Variants in TDRP observed in about 807,000 individuals in gnomAD.
TDRP encodes testis development-related protein.
A neutral mutation model predicts 10.5 loss-of-function variants in TDRP; 12 were observed. The ratio of observed to expected loss-of-function variants is 1.15; its 90% CI spans 0.73 to 1.86. The LOEUF is 1.86. Among genes scored for constraint, TDRP ranks in the 40% most tolerant of loss-of-function variants. The pLI is 0.00. For synonymous variants in TDRP, 139 were observed against 95.4 expected (o/e 1.46, Z -2.67); for missense variants, 353 against 229.2 (o/e 1.54, Z -3.49).
intron 2 of TDRP, among the ~76,000 whole-genome samples, chr8:493,947 G>C (rs1801054059): frequency 6.8e-6 from 1 of 146,358 alleles, no homozygotes. Context: ...TTTATCCAAA[G>C]TACAGTTTCT....
intron 1 of TDRP, among the ~76,000 whole-genome samples, chr8:526,525 G>A (rs551490981): frequency 6.6e-6 from 1 of 152,086 alleles, no homozygotes; most frequent in Non-Finnish European, 1.5e-5. Context: ...TGGTTGATTT[G>A]CATATACTGA....
chr8:491,656 C>T lies in TDRP; in HGVS notation c.*743G>A. On this transcript the variant is annotated 3_prime_UTR_variant, in exon 3 of 3. Transcript: ENST00000324079. ...AAATTATCAACTGACTAAAATTGAT[C>T]CATACTTCTTTAATCTGTAAACAAA... 1 of 1,527,496 alleles carries T rather than the reference C, an allele frequency of 6.5e-7. No homozygotes were observed. Among genetic ancestry groups the T allele is most frequent in the Non-Finnish European group, 8.7e-7 (1 of 1,143,948 alleles). The allele number at this position is 1,527,496 out of a possible 1,614,324, so 94.6% of individuals were successfully genotyped here. A position where few individuals can be genotyped will look rare whatever the true frequency, so the allele number is the denominator to read the frequency against.
rs543320438 is a variant in TDRP at position 514,328 on chromosome 8, G to A, written c.109-19731C>T. The stretch of plus-strand genomic sequence containing the variant: ...ACATATAAGGTCAATTGATTTTCAA[G>A]AAGAGTGCCAAGACAATTCAATGGG... On this transcript the variant is annotated intron_variant, in intron 1 of 2. Coordinates refer to ENST00000324079, the MANE Select transcript of TDRP (RefSeq NM_001384899.1). 2.6e-5 allele frequency among the ~76,000 whole-genome samples: 4 copies of A among 152,306 alleles called. No individual in the cohort carries two copies. The South Asian group carries it at 8.3e-4, about 32-fold the overall frequency.
At chr8:524,808 G>C (rs149175791) in intron 1 of TDRP, among the ~76,000 whole-genome samples, 63 of 152,278 alleles carry the variant, frequency 4.1e-4, no homozygotes, top group African/African-American at 1.5e-3. Context: ...TTGCTTACAG[G>C]ATCTAGAAAA....
intron 1 of TDRP, among the ~76,000 whole-genome samples, chr8:509,610 G>C (rs1457711032): frequency 6.6e-6 from 1 of 152,078 alleles, no homozygotes; most frequent in African/African-American, 2.4e-5. Context: ...CCTGGATCTG[G>C]CTCATCTGAC....
chr8:539,026 TAGAA>T (rs1802420859), intron 1 of TDRP, among the ~76,000 whole-genome samples: 1 of 152,138 alleles, frequency 6.6e-6, no homozygotes, highest in African/African-American at 2.4e-5. Context: ...AGGCCTATAA[TAGAA>T]AGAGACTAGA....
intron 1 of TDRP, among the ~76,000 whole-genome samples, chr8:504,645 G>T (rs941202758): frequency 4.0e-5 from 6 of 149,374 alleles, no homozygotes; most frequent in Non-Finnish European, 7.4e-5. Flanking sequence ...CAGCACTCCA[G>T]CCCTGTTTGG....
At chr8:503,738 C>A (rs1270259868) in intron 1 of TDRP, among the ~76,000 whole-genome samples, 6 of 144,436 alleles carry the variant, frequency 4.2e-5, no homozygotes, top group Admixed American at 2.8e-4. Context: ...CATCAGAACC[C>A]GTGCCCACCT....
At chr8:542,667 C>T (rs1458883319) in intron 1 of TDRP, among the ~76,000 whole-genome samples, 1 of 151,776 alleles carries the variant, frequency 6.6e-6, no homozygotes, top group Non-Finnish European at 1.5e-5. Flanking sequence ...GAGTTCGAGA[C>T]CAGCCTGACC....
intron 1 of TDRP, among the ~76,000 whole-genome samples, chr8:523,273 G>A (rs558912925): frequency 1.3e-5 from 2 of 152,202 alleles, no homozygotes; most frequent in East Asian, 1.9e-4. Context: ...GCATATAAAT[G>A]TATTACTTTA....
chr8:543,608 C>G (rs1802557802), intron 1 of TDRP, among the ~76,000 whole-genome samples: 2 of 150,342 alleles, frequency 1.3e-5, no homozygotes, highest in Admixed American at 6.6e-5. Flanking sequence ...ATTTCTCAGA[C>G]AAGTTCAGAT....
chr8:499,014 TA>T (rs1801213193), intron 1 of TDRP, among the ~76,000 whole-genome samples: 1 of 152,198 alleles, frequency 6.6e-6, no homozygotes, highest in South Asian at 2.1e-4. Flanking sequence ...CTTTTCTTTA[TA>T]AATTACCCAG....
intron 1 of TDRP, among the ~76,000 whole-genome samples, chr8:530,608 C>G (rs1316257869): frequency 6.6e-6 from 1 of 152,120 alleles, no homozygotes; most frequent in African/African-American, 2.4e-5. Context: ...TTAGAGAGGT[C>G]TGCCAGTTTC....
intron 1 of TDRP, among the ~76,000 whole-genome samples, chr8:515,298 A>G (rs1801728342): frequency 1.3e-5 from 2 of 152,246 alleles, no homozygotes; most frequent in Admixed American, 1.3e-4. Flanking sequence ...ATGTAAAATT[A>G]GGAAATCTCT....
chr8:492,260 T>G lies in TDRP; in HGVS notation c.*139A>C. The G allele has an allele frequency of 3.7e-6, 5 of 1,335,162 alleles. No homozygotes were observed. Among genetic ancestry groups the G allele is most frequent in the Non-Finnish European group, 4.8e-6 (5 of 1,045,772 alleles). 82.7% of individuals were successfully genotyped at this position (1,335,162 alleles called of 1,614,324 possible). ...ACAGTGTGTGTGAGAGTTCATTAAA[T>G]AAAGAAACAGAGGTCCAAATATCAA... is the stretch of plus-strand genomic sequence containing the variant. On this transcript the variant is annotated 3_prime_UTR_variant, in exon 3 of 3. Coordinates refer to ENST00000324079, the MANE Select transcript of TDRP (RefSeq NM_001384899.1).
intron 1 of TDRP, among the ~76,000 whole-genome samples, chr8:538,896 G>C (rs1461820515): frequency 1.3e-5 from 2 of 152,216 alleles, no homozygotes; most frequent in African/African-American, 2.4e-5. Flanking sequence ...ATATGCTGCT[G>C]GTTGGAACGT....
In TDRP at chr8:491,273, C is replaced by A; in HGVS notation, c.*1126G>T. 5.0e-6 allele frequency: 1 copy of A among 199,982 alleles called. No individual in the cohort carries two copies. Among genetic ancestry groups the A allele is most frequent in the East Asian group, 1.1e-4 (1 of 9,312 alleles). 12.4% of individuals were successfully genotyped at this position (199,982 alleles called of 1,614,324 possible). ...CAGTGTAACTGGAGGTTTTATTTTA[C>A]TTTTAAACAAAAAAGAAAAATATAC... On this transcript the variant is annotated 3_prime_UTR_variant, in exon 3 of 3. Coordinates refer to ENST00000324079, the MANE Select transcript of TDRP (RefSeq NM_001384899.1).
At chr8:493,965 TC>T (rs1045020235) in intron 2 of TDRP, among the ~76,000 whole-genome samples, 1 of 151,388 alleles carries the variant, frequency 6.6e-6, no homozygotes, top group Non-Finnish European at 1.5e-5. Flanking sequence ...TCTTTTTTTT[TC>T]ATCGAACACC....
chr8:521,252 A>C (rs1204542561), intron 1 of TDRP, among the ~76,000 whole-genome samples: 85 of 145,756 alleles, frequency 5.8e-4, no homozygotes, highest in Non-Finnish European at 8.6e-4. Flanking sequence ...AATCCAAAAA[A>C]AAAAAAAAAA....
Sources: gnomAD v4.1 joint callset for allele counts (sites outside exome capture counted in the v4.1 genomes callset) on GRCh38, gnomAD v4.1.1 for gene constraint, MANE v1.5 for transcripts, NCBI Gene and HGNC (gene_info 2026-07-23, HGNC 2026-07-21) for gene names.